The following DOCK2 variants were observed in gnomAD, a reference collection of about 807,000 sequenced individuals.
DOCK2 encodes dedicator of cytokinesis 2, also known as dedicator of cytokinesis protein 2.
In DOCK2, 87 loss-of-function variants were observed where a neutral mutation model predicts 248.9. The ratio of observed to expected loss-of-function variants is 0.35; its 90% CI spans 0.29 to 0.42. DOCK2 has a LOEUF of 0.42. Among genes scored for constraint, DOCK2 ranks in the 10% least tolerant of loss-of-function variants. DOCK2 has a pLI of 1.00. For missense variants in DOCK2, 1,747 were observed against 2,300.2 expected (o/e 0.76, Z 4.92); for synonymous variants, 805 against 821.6 (o/e 0.98, Z 0.35).
chr5:169,715,607 T>A (rs1458451576), intron 19 of DOCK2, among the ~76,000 whole-genome samples: 4 of 151,860 alleles, frequency 2.6e-5, no homozygotes, highest in Admixed American at 1.3e-4. Flanking sequence ...TTTTTTTTTT[T>A]TAAAAAAGTT....
At chr5:169,942,220 A>G (rs1776271286) in intron 27 of DOCK2, among the ~76,000 whole-genome samples, 1 of 152,200 alleles carries the variant, frequency 6.6e-6, no homozygotes. Flanking sequence ...AAGGGAGTTT[A>G]AAAATCAACT....
intron 25 of DOCK2, among the ~76,000 whole-genome samples, chr5:169,796,320 C>G (rs1480532261): frequency 6.6e-6 from 1 of 152,016 alleles, no homozygotes; most frequent in Non-Finnish European, 1.5e-5. Flanking sequence ...TCCATCTTGT[C>G]TTATGTTTTA....
intron 25 of DOCK2, among the ~76,000 whole-genome samples, chr5:169,797,253 G>A (rs553676040): frequency 1.3e-5 from 2 of 152,342 alleles, no homozygotes; most frequent in East Asian, 1.9e-4. Flanking sequence ...TTTTAGAAGT[G>A]TTTTCTGCTG....
chr5:169,831,939 G>T (rs896634861), intron 26 of DOCK2, among the ~76,000 whole-genome samples: 5 of 152,184 alleles, frequency 3.3e-5, no homozygotes, highest in African/African-American at 7.2e-5. Flanking sequence ...CTTTTGCAGA[G>T]AGTTTTTCAT....
chr5:170,010,906 T>G (rs1755262585), intron 32 of DOCK2, among the ~76,000 whole-genome samples: 1 of 152,258 alleles, frequency 6.6e-6, no homozygotes. Flanking sequence ...GCCATTGTTT[T>G]GCACACAGAA....
At chr5:170,063,966 C>G (rs1211685703) in intron 44 of DOCK2, among the ~76,000 whole-genome samples, 1 of 152,110 alleles carries the variant, frequency 6.6e-6, no homozygotes, top group Non-Finnish European at 1.5e-5. Flanking sequence ...CATTTAATAC[C>G]CCCACCTTTC....
intron 27 of DOCK2, among the ~76,000 whole-genome samples, chr5:169,955,676 G>T (rs971249235): frequency 1.3e-5 from 2 of 152,152 alleles, no homozygotes; most frequent in Non-Finnish European, 2.9e-5. Flanking sequence ...TTGAATTCCA[G>T]CCTAGCCACT....
At chr5:169,769,575 A>G (rs1019538859) in intron 25 of DOCK2, among the ~76,000 whole-genome samples, 4 of 152,254 alleles carry the variant, frequency 2.6e-5, no homozygotes, top group African/African-American at 9.6e-5. Flanking sequence ...ATCTAACCTC[A>G]AAGCTTAGAT....
chr5:169,694,516 G>A (rs1760495889), intron 9 of DOCK2, among the ~76,000 whole-genome samples: 1 of 152,214 alleles, frequency 6.6e-6, no homozygotes, highest in Non-Finnish European at 1.5e-5. Flanking sequence ...CATGGGCTAT[G>A]GTCATGACCT....
intron 26 of DOCK2, among the ~76,000 whole-genome samples, chr5:169,824,316 A>G (rs1223426265): frequency 6.6e-6 from 1 of 152,236 alleles, no homozygotes; most frequent in Non-Finnish European, 1.5e-5. Flanking sequence ...CATTTCCAAG[A>G]TATTCCTAAG....
At chr5:169,961,786 T>C (rs2113746275) in intron 27 of DOCK2, among the ~76,000 whole-genome samples, 1 of 152,000 alleles carries the variant, frequency 6.6e-6, no homozygotes, top group East Asian at 1.9e-4. Context: ...AAGACCAGCC[T>C]GGCCAACATG....
intron 1 of DOCK2, among the ~76,000 whole-genome samples, chr5:169,652,852 G>A (rs1041702155): frequency 1.3e-5 from 2 of 152,178 alleles, no homozygotes; most frequent in African/African-American, 4.8e-5. Flanking sequence ...GAACCCAGTG[G>A]CATTTCACCC....
chr5:170,078,887 AG>A, intron 48 of DOCK2, 87 bp from the exon 49 acceptor site: 1 of 1,492,594 alleles, frequency 6.7e-7, no homozygotes, highest in Non-Finnish European at 9.2e-7. Context: ...GGCAGCCCAA[AG>A]GTCCCCTTCA....
chr5:169,653,027 G>A (rs1757891129), intron 1 of DOCK2, among the ~76,000 whole-genome samples: 1 of 152,218 alleles, frequency 6.6e-6, no homozygotes, highest in Admixed American at 6.5e-5. Context: ...TGTACTCCCA[G>A]TTCCAGCATT....
rs983483107 is a variant in DOCK2, at chr5:169,720,222, A to G, written c.2267+1431A>G. 1.1e-4 allele frequency among the ~76,000 whole-genome samples: 17 copies of G among 152,230 alleles called. 1 individual carries two copies. The highest frequency in any genetic ancestry group is 2.4e-4 in the Non-Finnish European group (16 of 68,040). The stretch of plus-strand genomic sequence containing the variant: ...ACTTCTCAGTGATTTGGGAAAACCA[A>G]TGAGACTCCAGTGAATCTAAGAGTG... On this transcript the variant is annotated intron_variant, in intron 22 of 51. Coordinates refer to ENST00000520908, the MANE Select transcript of DOCK2 (RefSeq NM_004946.3).
chr5:170,022,210 A>G (rs1755753882), intron 33 of DOCK2, among the ~76,000 whole-genome samples: 1 of 152,150 alleles, frequency 6.6e-6, no homozygotes, highest in Non-Finnish European at 1.5e-5. Context: ...CTTTTTGGGA[A>G]AGGCTTTCCT....
chr5:169,820,820 T>A (rs916876168), intron 26 of DOCK2, among the ~76,000 whole-genome samples: 1 of 152,088 alleles, frequency 6.6e-6, no homozygotes, highest in Non-Finnish European at 1.5e-5. Context: ...CAAACTACTC[T>A]GAGCTAAAGG....
intron 39 of DOCK2, among the ~76,000 whole-genome samples, chr5:170,046,624 A>G (rs963003277): frequency 6.6e-6 from 1 of 152,222 alleles, no homozygotes; most frequent in Admixed American, 6.5e-5. Context: ...TGTTAAAAAC[A>G]GCTGAGCTGT....
At chr5:169,863,939 G>A (rs1203165063) in intron 27 of DOCK2, among the ~76,000 whole-genome samples, 1 of 152,186 alleles carries the variant, frequency 6.6e-6, no homozygotes, top group East Asian at 1.9e-4. Context: ...TGGCATCTTG[G>A]AGGTGTTGGA....
Sources: gnomAD v4.1 joint callset for allele counts (sites outside exome capture counted in the v4.1 genomes callset) on GRCh38, gnomAD v4.1.1 for gene constraint, MANE v1.5 for transcripts, NCBI Gene and HGNC (gene_info 2026-07-23, HGNC 2026-07-21) for gene names.